The following ITGBL1 variants were observed in gnomAD, a reference collection of about 807,000 sequenced individuals.
The protein encoded by ITGBL1 is integrin subunit beta like 1.
A neutral mutation model predicts 68.5 loss-of-function variants in ITGBL1; 51 were observed. The observed-to-expected ratio is 0.74, with a 90% confidence interval of 0.59 to 0.94. ITGBL1 has a LOEUF of 0.94. Among genes scored for constraint, ITGBL1 ranks in the 40% least tolerant of loss-of-function variants. The pLI is 0.00. For synonymous variants in ITGBL1, 209 were observed against 227.3 expected (o/e 0.92, Z 0.72); for missense variants, 649 against 647.4 (o/e 1.00, Z -0.03).
chr13:101,695,002 A>C (rs1026029647), intron 8 of ITGBL1, among the ~76,000 whole-genome samples: 3 of 152,202 alleles, frequency 2.0e-5, no homozygotes, highest in African/African-American at 7.2e-5. Flanking sequence ...GTGAACATAG[A>C]GCATTTGCTC....
chr13:101,557,131 A>G (rs559320326), intron 2 of ITGBL1, among the ~76,000 whole-genome samples: 2 of 152,226 alleles, frequency 1.3e-5, no homozygotes, highest in East Asian at 3.9e-4. Context: ...GTGGGCAGAG[A>G]TTTTTCCTTA....
At chr13:101,600,077 T>A (rs1205112963) in intron 7 of ITGBL1, among the ~76,000 whole-genome samples, 2 of 152,208 alleles carry the variant, frequency 1.3e-5, no homozygotes, top group African/African-American at 2.4e-5. Context: ...GAGCATGGAA[T>A]GTTCTTTCAT....
intron 7 of ITGBL1, among the ~76,000 whole-genome samples, chr13:101,647,881 G>A (rs990819543): frequency 6.6e-6 from 1 of 152,188 alleles, no homozygotes; most frequent in Admixed American, 6.5e-5. Context: ...AAGCCAAGAA[G>A]AAAGTGACTA....
chr13:101,503,458 C>T (rs2048976074), intron 2 of ITGBL1, among the ~76,000 whole-genome samples: 1 of 152,108 alleles, frequency 6.6e-6, no homozygotes, highest in Non-Finnish European at 1.5e-5. Flanking sequence ...GAAAAGAGAC[C>T]ACATTCCTTT....
In ITGBL1 at chr13:101,580,973, A is replaced by T. The variant is rs563380735; in HGVS notation, c.727+1546A>T. Among the ~76,000 whole-genome samples, 289 of 152,320 alleles carry T rather than the reference A, an allele frequency of 1.9e-3. 6 individuals are homozygous for T. Among genetic ancestry groups the T allele is most frequent in the Admixed American group, 0.017 (256 of 15,298 alleles). The stretch of plus-strand genomic sequence containing the variant: ...CTCACAGCTTCTGAGATTCAGGGGT[A>T]CTTGAAGACAGGGCAGAAGTGGGCG... On this transcript the variant is annotated intron_variant, in intron 5 of 10. Coordinates refer to ENST00000376180, the MANE Select transcript of ITGBL1 (RefSeq NM_004791.3).
rs1308546228 is a variant in ITGBL1 at position 101,470,409 on chromosome 13, A to G, written c.316+16309A>G. 2.0e-5 allele frequency among the ~76,000 whole-genome samples: 3 copies of G among 151,654 alleles called. No homozygotes were observed. The East Asian group carries it at 5.8e-4, about 29-fold the overall frequency. On this transcript the variant is annotated intron_variant, in intron 2 of 10. Transcript: ENST00000376180. ...CAGTGGCGCGATCTCGGCTCACTGCAAACTCCACCTCCTGGGTTCCAGTGA... is the reference window on the plus strand; with the variant it reads ...CAGTGGCGCGATCTCGGCTCACTGCGAACTCCACCTCCTGGGTTCCAGTGA...
At chr13:101,665,492 A>G (rs1345351264) in intron 7 of ITGBL1, among the ~76,000 whole-genome samples, 1 of 152,152 alleles carries the variant, frequency 6.6e-6, no homozygotes, top group Non-Finnish European at 1.5e-5. Context: ...GGACCTTGCT[A>G]AATTAATTTA....
At chr13:101,511,588 G>A (rs956931349) in intron 2 of ITGBL1, among the ~76,000 whole-genome samples, 1 of 152,262 alleles carries the variant, frequency 6.6e-6, no homozygotes, top group East Asian at 1.9e-4. Flanking sequence ...TAAAGGAAAA[G>A]CCAGGCCTTC....
chr13:101,482,395 T>C (rs1594837267), intron 2 of ITGBL1, among the ~76,000 whole-genome samples: 1 of 152,002 alleles, frequency 6.6e-6, no homozygotes, highest in African/African-American at 2.4e-5. Flanking sequence ...GTTAATTATA[T>C]TTATTTGTAA....
intron 2 of ITGBL1, among the ~76,000 whole-genome samples, chr13:101,525,066 C>G (rs1295933951): frequency 1.3e-5 from 2 of 152,060 alleles, no homozygotes; most frequent in African/African-American, 4.8e-5. Context: ...TTGAGCACCT[C>G]TAGCTATAGA....
chr13:101,496,720 A>G (rs2048862916), intron 2 of ITGBL1, among the ~76,000 whole-genome samples: 1 of 152,154 alleles, frequency 6.6e-6, no homozygotes, highest in African/African-American at 2.4e-5. Flanking sequence ...CCACACATAT[A>G]TTAGAGACCA....
chr13:101,679,437 CTG>C (rs1364796191), intron 7 of ITGBL1, among the ~76,000 whole-genome samples: 1 of 152,158 alleles, frequency 6.6e-6, no homozygotes, highest in Non-Finnish European at 1.5e-5. Context: ...AAATCCATAA[CTG>C]TGTTTCGAAA....
In ITGBL1 at chr13:101,493,612, T is replaced by A. The variant is rs2048812644; in HGVS notation, c.316+39512T>A. ...TGTGACTTGTGCCTTCATCACCTGT[T>A]CATCCTGCCAATATATTTTCCACAT... On this transcript the variant is annotated intron_variant, in intron 2 of 10. Coordinates refer to ENST00000376180, the MANE Select transcript of ITGBL1 (RefSeq NM_004791.3). Among the ~76,000 whole-genome samples the A allele has an allele frequency of 2.6e-5, 4 of 152,312 alleles. No homozygotes were observed. The South Asian group carries it at 8.3e-4, about 32-fold the overall frequency.
chr13:101,481,085 C>T (rs112610323), intron 2 of ITGBL1, among the ~76,000 whole-genome samples: 1 of 149,004 alleles, frequency 6.7e-6, no homozygotes, highest in Non-Finnish European at 1.5e-5. Context: ...TATATACACA[C>T]ATATATATAC....
At chr13:101,634,541 T>C (rs1052661437) in intron 7 of ITGBL1, among the ~76,000 whole-genome samples, 4 of 152,136 alleles carry the variant, frequency 2.6e-5, no homozygotes, top group African/African-American at 9.7e-5. Context: ...TCAATAAAGA[T>C]GTTATATAAA....
chr13:101,499,356 G>A (rs189009187), intron 2 of ITGBL1, among the ~76,000 whole-genome samples: 10 of 152,060 alleles, frequency 6.6e-5, no homozygotes, highest in African/African-American at 2.4e-4. Flanking sequence ...CCTCCCTCAT[G>A]TCTTTACACT....
chr13:101,593,112 C>T (rs116740908), intron 6 of ITGBL1, among the ~76,000 whole-genome samples: 137 of 151,958 alleles, frequency 9.0e-4, no homozygotes, highest in African/African-American at 3.1e-3. Context: ...AAATATTGCT[C>T]AAAAGAAGAC....
intron 2 of ITGBL1, among the ~76,000 whole-genome samples, chr13:101,500,128 TC>T (rs2048916895): frequency 6.6e-6 from 1 of 152,182 alleles, no homozygotes; most frequent in African/African-American, 2.4e-5. Context: ...AGACAGTAAA[TC>T]CAGAATACAC....
intron 2 of ITGBL1, among the ~76,000 whole-genome samples, chr13:101,493,423 G>A (rs2048809858): frequency 6.6e-6 from 1 of 151,814 alleles, no homozygotes; most frequent in Middle Eastern, 3.4e-3. Flanking sequence ...TCTCAATATT[G>A]CAGTAAATTG....
Sources: allele counts gnomAD v4.1 joint callset (sites outside exome capture counted in the v4.1 genomes callset), GRCh38; gene constraint gnomAD v4.1.1; transcripts MANE v1.5; gene names NCBI Gene and HGNC (gene_info 2026-07-23, HGNC 2026-07-21).